CENPP: variants seen among roughly 807,000 people sequenced by gnomAD.
CENPP encodes centromere protein P.
A neutral mutation model predicts 35.6 loss-of-function variants in CENPP; 24 were observed. That is an observed-to-expected ratio of 0.67 (90% CI 0.49 to 0.95). CENPP has a LOEUF of 0.95. Ranked by LOEUF, CENPP falls within the 40% of genes least tolerant of loss-of-function variation. The pLI is 0.00. For missense variants in CENPP, 332 were observed against 345.3 expected (o/e 0.96, Z 0.31); for synonymous variants, 120 against 125.5 (o/e 0.96, Z 0.29).
intron 5 of CENPP, among the ~76,000 whole-genome samples, chr9:92,444,330 C>A (rs183117219): frequency 1.3e-5 from 2 of 151,854 alleles, no homozygotes; most frequent in Non-Finnish European, 2.9e-5. Flanking sequence ...AATTTAGATC[C>A]TTCATGCATT....
intron 5 of CENPP, among the ~76,000 whole-genome samples, chr9:92,598,570 G>A (rs1043252011): frequency 2.6e-5 from 4 of 152,292 alleles, no homozygotes; most frequent in African/African-American, 9.6e-5. Flanking sequence ...GTGCACAAGG[G>A]TCCAGTTGGA....
chr9:92,615,686 TC>T lies in CENPP; in HGVS notation c.*2539del, dbSNP rs1851407462. 1 of 623,346 alleles carries T rather than the reference TC, an allele frequency of 1.6e-6. No individual in the cohort carries two copies. The highest frequency in any genetic ancestry group is 1.8e-5 in the African/African-American group (1 of 54,252). 38.6% of individuals were successfully genotyped at this position (623,346 alleles called of 1,614,324 possible). On this transcript the variant is annotated 3_prime_UTR_variant, in exon 8 of 8. Coordinates refer to ENST00000375587, the MANE Select transcript of CENPP (RefSeq NM_001012267.3). ...GAAGTTGTTTCTAGTGCTCTTCAATTCCATGTCTCCAAGAGGCAATCCCACC... is the reference window on the plus strand; with the variant it reads ...GAAGTTGTTTCTAGTGCTCTTCAATTCATGTCTCCAAGAGGCAATCCCACC...
chr9:92,600,413 C>T (rs1850880138), intron 5 of CENPP: 1 of 1,611,532 alleles, frequency 6.2e-7, no homozygotes, highest in Non-Finnish European at 8.5e-7. Flanking sequence ...CTCTGGGTTT[C>T]CCTGGTTCTT....
chr9:92,579,538 A>T (rs1211484263), intron 5 of CENPP, among the ~76,000 whole-genome samples: 9 of 152,204 alleles, frequency 5.9e-5, no homozygotes, highest in South Asian at 2.1e-4. Context: ...GTTGGATTCC[A>T]AGGTATTTTA....
intron 5 of CENPP, among the ~76,000 whole-genome samples, chr9:92,533,328 A>AAAAAAAATAT (rs1554683138): frequency 1.6e-4 from 6 of 38,336 alleles, no homozygotes; most frequent in Non-Finnish European, 1.7e-4. Context: ...AAAAAAAAAA[A>AAAAAAAATAT]ATATATATAT....
Position 92,619,608 on chromosome 9 carries a change from C to A in CENPP, c.*6459C>A. On this transcript the variant is annotated 3_prime_UTR_variant, in exon 8 of 8. Transcript: ENST00000375587. ...ATCAGCTCCAGGTCACACAGGAAGCCTCTGCCCCCCCACACAACCTTCCTT... is the reference window on the plus strand; with the variant it reads ...ATCAGCTCCAGGTCACACAGGAAGCATCTGCCCCCCCACACAACCTTCCTT... 6.7e-7 allele frequency: 1 copy of A among 1,503,672 alleles called. No homozygotes were observed. The allele number at this position is 1,503,672 out of a possible 1,614,324, so 93.1% of individuals were successfully genotyped here.
intron 5 of CENPP, among the ~76,000 whole-genome samples, chr9:92,551,939 AT>A (rs1849600965): frequency 1.2e-5 from 1 of 84,942 alleles, no homozygotes; most frequent in Non-Finnish European, 2.2e-5. Flanking sequence ...ATATATATAT[AT>A]ATATATATAT....
At chr9:92,515,056 G>A (rs375328673) in intron 5 of CENPP, 2 of 1,613,970 alleles carry the variant, frequency 1.2e-6, no homozygotes, top group Non-Finnish European at 1.7e-6. Flanking sequence ...AGATTGAAGT[G>A]CTTCTTTTCT....
At chr9:92,555,288 C>T (rs1437832467) in intron 5 of CENPP, among the ~76,000 whole-genome samples, 2 of 121,858 alleles carry the variant, frequency 1.6e-5, no homozygotes, top group Non-Finnish European at 3.1e-5. Context: ...AGTACAATGG[C>T]GTGATCTCAG....
chr9:92,411,532 G>A (rs7856204), intron 5 of CENPP, among the ~76,000 whole-genome samples: 1 of 150,862 alleles, frequency 6.6e-6, no homozygotes, highest in Non-Finnish European at 1.5e-5. Flanking sequence ...TGGGCTCAAA[G>A]GATCAGCCCA....
At chr9:92,333,597 C>G (rs544059933) in intron 2 of CENPP, among the ~76,000 whole-genome samples, 1 of 152,230 alleles carries the variant, frequency 6.6e-6, no homozygotes, top group Admixed American at 6.5e-5. Context: ...GAAGAAATAT[C>G]ATTTTAAAGC....
chr9:92,537,354 T>C (rs1849207001), intron 5 of CENPP, among the ~76,000 whole-genome samples: 4 of 152,172 alleles, frequency 2.6e-5, no homozygotes, highest in Admixed American at 2.6e-4. Context: ...AGGAAAATGA[T>C]ATCTATTTTT....
intron 5 of CENPP, chr9:92,417,043 A>G (rs1843636079): frequency 1.9e-6 from 3 of 1,614,074 alleles, no homozygotes; most frequent in East Asian, 4.5e-5. Flanking sequence ...TGGAGATTTC[A>G]TTGTAACCAA....
At chr9:92,365,406 CTTTTTT>C (rs33952600) in intron 4 of CENPP, among the ~76,000 whole-genome samples, 8 of 81,506 alleles carry the variant, frequency 9.8e-5, no homozygotes, top group Non-Finnish European at 1.8e-4. Context: ...TATAACTACT[CTTTTTT>C]TTTTTTTTTT....
At chr9:92,474,554 C>T in intron 5 of CENPP, 1 of 1,529,706 alleles carries the variant, frequency 6.5e-7, no homozygotes, top group Non-Finnish European at 8.7e-7. Context: ...TTCAATGAGA[C>T]TTTTTCCATC....
At chr9:92,376,653 C>T (rs1009185842) in intron 4 of CENPP, among the ~76,000 whole-genome samples, 9 of 152,148 alleles carry the variant, frequency 5.9e-5, no homozygotes, top group Non-Finnish European at 5.9e-5. Flanking sequence ...AGAAGCTGGC[C>T]GCCCCACCCT....
chr9:92,436,856 T>G (rs575926732), intron 5 of CENPP, among the ~76,000 whole-genome samples: 4 of 152,326 alleles, frequency 2.6e-5, no homozygotes, highest in Non-Finnish European at 5.9e-5. Flanking sequence ...TTTTGGCTAT[T>G]CTAGTTCCTT....
intron 4 of CENPP, among the ~76,000 whole-genome samples, chr9:92,372,409 G>A (rs530967221): frequency 6.6e-5 from 10 of 151,862 alleles, no homozygotes; most frequent in Admixed American, 1.3e-4. Context: ...GTTGTTTTCT[G>A]TTGTTTTATA....
intron 5 of CENPP, among the ~76,000 whole-genome samples, chr9:92,418,058 G>T (rs896870471): frequency 2.0e-5 from 3 of 151,068 alleles, no homozygotes; most frequent in East Asian, 2.0e-4. Context: ...AAGTACAAAT[G>T]AAGTGAGTTT....
Sources: allele counts gnomAD v4.1 joint callset (sites outside exome capture counted in the v4.1 genomes callset), GRCh38; gene constraint gnomAD v4.1.1; transcripts MANE v1.5; gene names NCBI Gene and HGNC (gene_info 2026-07-23, HGNC 2026-07-21).